The following TKT variants were observed in gnomAD, a reference collection of about 807,000 sequenced individuals.
The protein encoded by TKT is transketolase, also known as epididymis luminal protein 107.
Under a neutral mutation model 63.9 loss-of-function variants are expected in TKT, and 47 were observed. That is an observed-to-expected ratio of 0.74 (90% confidence interval 0.58 to 0.94). The LOEUF is 0.94. Ranked by LOEUF, TKT falls within the 40% of genes least tolerant of loss-of-function variation. The probability of loss-of-function intolerance (pLI) is 0.00; values close to 1 mark genes in which losing one functional copy is unlikely to be tolerated. For missense variants in TKT, 721 were observed against 846.2 expected (o/e 0.85, Z 1.84); for synonymous variants, 338 against 334.1 (o/e 1.01, Z -0.13).
At chr3:53,245,698 T>C (rs149140164) in intron 1 of TKT, among the ~76,000 whole-genome samples, 2,300 of 151,734 alleles carry the variant, frequency 0.015, 64 homozygotes, top group African/African-American at 0.052. Context: ...GGCAGGAGAA[T>C]AGCTTGAACC....
chr3:53,229,929 A>G (rs1434943222), intron 8 of TKT, among the ~76,000 whole-genome samples: 2 of 152,168 alleles, frequency 1.3e-5, no homozygotes, highest in Non-Finnish European at 2.9e-5. Context: ...CTGGACCACC[A>G]GGAGGGGATA....
chr3:53,240,166 G>T, intron 4 of TKT, 85 bp downstream of exon 4: 2 of 1,328,120 alleles, frequency 1.5e-6, no homozygotes, highest in Non-Finnish European at 2.1e-6. Flanking sequence ...AAGAGGAAGA[G>T]TCTGGGGGCG....
intron 9 of TKT, 39 bp from the exon 10 acceptor site, chr3:53,229,176 C>A (rs782168849): frequency 1.9e-6 from 3 of 1,613,588 alleles, no homozygotes; most frequent in Non-Finnish European, 1.7e-6. Flanking sequence ...AATAAGACCC[C>A]TACCCCCCCA....
intron 1 of TKT, among the ~76,000 whole-genome samples, chr3:53,246,804 T>C (rs548900456): frequency 6.7e-6 from 1 of 149,674 alleles, no homozygotes; most frequent in Non-Finnish European, 1.5e-5. Flanking sequence ...TGAGCCGAGA[T>C]GGCGCCATTG....
chr3:53,232,150 G>A, intron 6 of TKT: 1 of 391,818 alleles, frequency 2.6e-6, no homozygotes, highest in Non-Finnish European at 4.5e-6. Flanking sequence ...CTAGAGTCTG[G>A]CCAGAGCCAA....
chr3:53,241,958 G>A, intron 2 of TKT, 167 bp downstream of exon 2: 1 of 660,944 alleles, frequency 1.5e-6, no homozygotes, highest in South Asian at 1.7e-5. Context: ...AGCCAGCTGG[G>A]TCAGCACAGA....
intron 9 of TKT, 71 bp downstream of exon 9, chr3:53,229,209 C>T (rs1704633028): frequency 6.2e-7 from 1 of 1,613,096 alleles, no homozygotes; most frequent in East Asian, 2.2e-5. Flanking sequence ...AATCCTGGCC[C>T]ATCCCCCTCC....
At chr3:53,243,905 G>A (rs1343273738) in intron 1 of TKT, among the ~76,000 whole-genome samples, 2 of 152,226 alleles carry the variant, frequency 1.3e-5, no homozygotes, top group African/African-American at 4.8e-5. Context: ...CTGTTCCGGG[G>A]AAGAACAAGG....
chr3:53,232,875 G>A, intron 6 of TKT: 1 of 431,602 alleles, frequency 2.3e-6, no homozygotes, highest in South Asian at 5.0e-5. Context: ...CACGGGGGCT[G>A]CCTCACTCCA....
intron 1 of TKT, among the ~76,000 whole-genome samples, chr3:53,243,047 C>G (rs73840299): frequency 6.6e-6 from 1 of 152,028 alleles, no homozygotes; most frequent in African/African-American, 2.4e-5. Context: ...TTAATAAAAA[C>G]CCCTTCTGCC....
chr3:53,244,194 G>C (rs116517572), intron 1 of TKT, among the ~76,000 whole-genome samples: 1 of 152,168 alleles, frequency 6.6e-6, no homozygotes, highest in Non-Finnish European at 1.5e-5. Context: ...AGCCTGCTGC[G>C]GCCACTCTCT....
chr3:53,244,788 G>A (rs782445989), intron 1 of TKT, among the ~76,000 whole-genome samples: 5 of 151,604 alleles, frequency 3.3e-5, no homozygotes, highest in Non-Finnish European at 7.4e-5. Flanking sequence ...GAACACTGGC[G>A]AGAGATGGGG....
intron 7 of TKT, among the ~76,000 whole-genome samples, 157 bp from the exon 8 acceptor site, chr3:53,230,778 C>T (rs1213526695): frequency 6.6e-6 from 1 of 152,006 alleles, no homozygotes; most frequent in Admixed American, 6.6e-5. Flanking sequence ...TGAAAGGTTG[C>T]CAACGACTAC....
In TKT at chr3:53,255,933, A is replaced by T; in HGVS notation, c.10T>A (p.Tyr4Asn). Residue 4 changes from tyrosine to asparagine, a missense_variant, in exon 1 of 14, where the codon TAC becomes AAC. By Grantham distance (143) the Tyr-to-Asn change is moderately radical. Transcript: ENST00000462138. MES[Y>N]HKPDQQKLQA... ...AGCTTCTGCTGGTCAGGCTTGTGGT[A>T]GCTCTCCATGGTGCGGCAGGCGGGG... 2.0e-6 allele frequency: 3 copies of T among 1,528,232 alleles called. No homozygotes were observed. Among genetic ancestry groups the T allele is most frequent in the Non-Finnish European group, 2.6e-6 (3 of 1,135,636 alleles). 94.7% of individuals were successfully genotyped at this position (1,528,232 alleles called of 1,614,324 possible). A position where few individuals can be genotyped will look rare whatever the true frequency, so the allele number is the denominator to read the frequency against.
chr3:53,232,746 A>C (rs553791621), intron 6 of TKT: 55 of 402,082 alleles, frequency 1.4e-4, no homozygotes, highest in African/African-American at 1.1e-3. Context: ...CACCTCCTGG[A>C]GGGAACAGTT....
chr3:53,228,654 A>G, intron 10 of TKT: 1 of 503,072 alleles, frequency 2.0e-6, no homozygotes. Context: ...AACCACGCGC[A>G]CTGGGTCTGT....
At chr3:53,254,602 A>G (rs969535976) in intron 1 of TKT, among the ~76,000 whole-genome samples, 2 of 152,202 alleles carry the variant, frequency 1.3e-5, no homozygotes, top group African/African-American at 4.8e-5. Context: ...GTCCCGAGAA[A>G]TCATCCATCA....
intron 12 of TKT, chr3:53,227,485 T>C (rs1553675799): frequency 6.3e-6 from 1 of 158,496 alleles, no homozygotes; most frequent in Non-Finnish European, 1.4e-5. Flanking sequence ...CTGAAGCCAC[T>C]TTCTGGAAGA....
intron 1 of TKT, among the ~76,000 whole-genome samples, chr3:53,245,974 G>C (rs1439688609): frequency 6.6e-6 from 1 of 152,000 alleles, no homozygotes; most frequent in Non-Finnish European, 1.5e-5. Context: ...CATTCTACAG[G>C]AAACACAAAC....
Sources: allele counts gnomAD v4.1 joint callset (sites outside exome capture counted in the v4.1 genomes callset), GRCh38; gene constraint gnomAD v4.1.1; transcripts MANE v1.5; gene names NCBI Gene and HGNC (gene_info 2026-07-23, HGNC 2026-07-21).